CACNA2D1: variants seen among roughly 807,000 people sequenced by gnomAD.
CACNA2D1 encodes the protein voltage-dependent calcium channel subunit alpha-2/delta-1.
A neutral mutation model predicts 171.5 loss-of-function variants in CACNA2D1; 53 were observed. The ratio of observed to expected loss-of-function variants is 0.31; its 90% CI spans 0.25 to 0.39. CACNA2D1 has a LOEUF of 0.39. Ranked by LOEUF, CACNA2D1 falls within the 10% of genes least tolerant of loss-of-function variation. The pLI is 1.00. For synonymous variants in CACNA2D1, 442 were observed against 443.1 expected, an observed-to-expected ratio of 1.00 and a Z score of 0.03; for missense variants, 903 against 1,299.8, an observed-to-expected ratio of 0.69 and a Z score of 4.69.
At chr7:82,404,416 T>C (rs1826793298) in intron 1 of CACNA2D1, among the ~76,000 whole-genome samples, 2 of 152,094 alleles carry the variant, frequency 1.3e-5, no homozygotes, top group African/African-American at 2.4e-5. Flanking sequence ...GTTTAGGCCT[T>C]CCCCAGATCT....
At chr7:82,369,448 CT>C (rs948966527) in intron 1 of CACNA2D1, among the ~76,000 whole-genome samples, 4 of 151,572 alleles carry the variant, frequency 2.6e-5, no homozygotes, top group African/African-American at 9.7e-5. Flanking sequence ...TTCAACAGTT[CT>C]TTTTTCAGAG....
chr7:82,064,422 A>C (rs1328713193), intron 8 of CACNA2D1, 68 bp from the exon 9 acceptor site: 1 of 1,183,910 alleles, frequency 8.4e-7, no homozygotes, highest in Non-Finnish European at 1.3e-6. Flanking sequence ...TGTTGAATTG[A>C]TATTTACTGA....
chr7:82,171,798 T>C (rs997876923), intron 3 of CACNA2D1, among the ~76,000 whole-genome samples: 8 of 152,096 alleles, frequency 5.3e-5, no homozygotes, highest in African/African-American at 1.9e-4. Flanking sequence ...AACTCACTTA[T>C]TAAGGTATAG....
chr7:82,303,370 C>G (rs1334370852), intron 3 of CACNA2D1, among the ~76,000 whole-genome samples: 3 of 150,200 alleles, frequency 2.0e-5, no homozygotes, highest in African/African-American at 4.9e-5. Flanking sequence ...AAAGCAAGTA[C>G]AGATCCATTG....
intron 10 of CACNA2D1, among the ~76,000 whole-genome samples, chr7:82,059,066 G>C (rs541726456): frequency 1.3e-5 from 2 of 152,144 alleles, no homozygotes; most frequent in Non-Finnish European, 2.9e-5. Flanking sequence ...CTTCTTTCTA[G>C]TCTCCCTTGG....
chr7:82,331,001 T>A (rs573980656), intron 3 of CACNA2D1, among the ~76,000 whole-genome samples: 3 of 152,090 alleles, frequency 2.0e-5, no homozygotes, highest in Non-Finnish European at 4.4e-5. Context: ...ATCTCTGTCC[T>A]GATCTACTGA....
intron 3 of CACNA2D1, among the ~76,000 whole-genome samples, chr7:82,220,150 G>A (rs184859941): frequency 6.6e-6 from 1 of 152,194 alleles, no homozygotes; most frequent in Admixed American, 6.5e-5. Flanking sequence ...GTCAATATCT[G>A]TTAACATCTA....
chr7:82,252,760 C>G (rs1240113798), intron 3 of CACNA2D1, among the ~76,000 whole-genome samples: 1 of 151,836 alleles, frequency 6.6e-6, no homozygotes, highest in African/African-American at 2.4e-5. Context: ...CGTGGTGGTG[C>G]GTGCCTGTAG....
chr7:82,032,834 G>A lies in CACNA2D1; in HGVS notation c.1106C>T (p.Ala369Val). The stretch of plus-strand genomic sequence containing the variant: ...ATTGTATTTGTTAAATATCTCCTGG[G>A]CTCTCTCTTCTCCTCCATCCGTGAA... The part of the protein sequence containing the change: ...MLFTDGGEER[A>V]QEIFNKYNKD... The change falls in exon 12 of 39, where the codon GCC (alanine) becomes GTC (valine). Residue 369 changes from alanine to valine, a missense_variant. Around this residue, in one of 5 missense-constraint regions of CACNA2D1, gnomAD observed 623 missense variants for 925.5 expected, o/e 0.67. Transcript: ENST00000356860. 6.3e-7 allele frequency: 1 copy of A among 1,588,332 alleles called. No homozygotes were observed. Among genetic ancestry groups the A allele is most frequent in the Non-Finnish European group, 8.6e-7 (1 of 1,158,642 alleles).
At chr7:82,106,469 G>A (rs188497328) in intron 6 of CACNA2D1, among the ~76,000 whole-genome samples, 2 of 152,090 alleles carry the variant, frequency 1.3e-5, no homozygotes, top group Non-Finnish European at 2.9e-5. Context: ...AATTTATAGA[G>A]GCACTGAATT....
At chr7:82,000,387 G>T (rs764397540) in intron 18 of CACNA2D1, among the ~76,000 whole-genome samples, 15 of 152,044 alleles carry the variant, frequency 9.9e-5, no homozygotes, top group Non-Finnish European at 2.1e-4. Flanking sequence ...TAATTTCCTA[G>T]GTGAATATAC....
At chr7:81,951,308 C>T (rs997618825) in intron 38 of CACNA2D1, among the ~76,000 whole-genome samples, 2 of 151,984 alleles carry the variant, frequency 1.3e-5, no homozygotes, top group Admixed American at 6.6e-5. Flanking sequence ...CCTTTAATTC[C>T]TTTTAACATA....
chr7:82,178,780 T>C (rs1477964660), intron 3 of CACNA2D1, among the ~76,000 whole-genome samples: 1 of 152,228 alleles, frequency 6.6e-6, no homozygotes, highest in Non-Finnish European at 1.5e-5. Flanking sequence ...CATGCTATCA[T>C]GGCCCATCAT....
At chr7:81,991,877 C>T (rs377101935) in intron 20 of CACNA2D1, among the ~76,000 whole-genome samples, 1 of 151,460 alleles carries the variant, frequency 6.6e-6, no homozygotes, top group East Asian at 1.9e-4. Context: ...CTCTGTCACC[C>T]AGGCTGGAGT....
chr7:82,225,106 AC>A (rs1802217944), intron 3 of CACNA2D1, among the ~76,000 whole-genome samples: 1 of 152,312 alleles, frequency 6.6e-6, no homozygotes, highest in South Asian at 2.1e-4. Flanking sequence ...TAGAAAATAA[AC>A]TAAAATGACA....
intron 2 of CACNA2D1, among the ~76,000 whole-genome samples, chr7:82,346,365 T>C (rs901621204): frequency 6.6e-6 from 1 of 152,218 alleles, no homozygotes; most frequent in Non-Finnish European, 1.5e-5. Context: ...ATAAATATTT[T>C]ATACAGATTG....
chr7:81,951,973 T>TTG (rs1554321688), intron 38 of CACNA2D1, among the ~76,000 whole-genome samples: 25 of 147,738 alleles, frequency 1.7e-4, no homozygotes, highest in African/African-American at 6.3e-4. Context: ...CAAAGTGTTT[T>TTG]TTTTTTTTTT....
chr7:82,349,318 C>G lies in CACNA2D1; in HGVS notation c.177+250G>C, dbSNP rs184879974. Among the ~76,000 whole-genome samples the G allele has an allele frequency of 6.6e-5, 10 of 152,160 alleles. No homozygotes were observed. In the East Asian group the frequency reaches 1.7e-3, roughly 26 times the overall value. ...AAATTTACGGAGAGTATACATAACA[C>G]GCAGACTCACTTAAGTGAGACCTAC... On this transcript the variant is annotated intron_variant, in intron 2 of 38. Coordinates refer to ENST00000356860, the MANE Select transcript of CACNA2D1 (RefSeq NM_000722.4).
At chr7:81,957,049 T>TTTAAGTCAGATTTATTTTAA (rs1562772889) in intron 38 of CACNA2D1, among the ~76,000 whole-genome samples, 1 of 152,092 alleles carries the variant, frequency 6.6e-6, no homozygotes, top group Admixed American at 6.6e-5. Flanking sequence ...TAAAAAGTTA[T>TTTAAGTCAGATTTATTTTAA]TTAAGTCAGA....
Sources: allele counts gnomAD v4.1 joint callset (sites outside exome capture counted in the v4.1 genomes callset), GRCh38; gene constraint gnomAD v4.1.1; regional missense constraint gnomAD v4.1.1; transcripts MANE v1.5; gene names NCBI Gene and HGNC (gene_info 2026-07-23, HGNC 2026-07-21).